Variants in CHRM2 observed in about 807,000 individuals in gnomAD.
The protein encoded by CHRM2 is muscarinic acetylcholine receptor M2.
Under a neutral mutation model 25.0 loss-of-function variants are expected in CHRM2, and 8 were observed. The observed-to-expected ratio is 0.32, with a 90% CI of 0.19 to 0.58. CHRM2 has a LOEUF of 0.58. CHRM2 is among the 20% of genes least tolerant of loss of function. CHRM2 has a pLI of 0.88. For missense variants in CHRM2, 440 were observed against 567.1 expected (o/e 0.78, Z 2.28); for synonymous variants, 202 against 205.7 (o/e 0.98, Z 0.15).
At chr7:136,920,659 T>C (rs2130731961) in intron 2 of CHRM2, among the ~76,000 whole-genome samples, 1 of 152,274 alleles carries the variant, frequency 6.6e-6, no homozygotes, top group East Asian at 1.9e-4. Context: ...TGCATGTTAA[T>C]TATTTTGGGA....
intron 2 of CHRM2, among the ~76,000 whole-genome samples, chr7:136,979,032 C>T (rs957585462): frequency 1.3e-5 from 2 of 152,096 alleles, no homozygotes; most frequent in Admixed American, 6.5e-5. Context: ...CCACACTGCC[C>T]TCCACAATGG....
intron 3 of CHRM2, among the ~76,000 whole-genome samples, chr7:137,000,246 T>C (rs927248906): frequency 3.6e-4 from 47 of 128,914 alleles, no homozygotes; most frequent in Non-Finnish European, 6.0e-4. Context: ...TCACCCAGGC[T>C]GGAGTGCAGT....
chr7:136,882,623 A>C (rs1487360140), intron 2 of CHRM2, among the ~76,000 whole-genome samples: 7 of 152,048 alleles, frequency 4.6e-5, no homozygotes, highest in Non-Finnish European at 1.0e-4. Context: ...TTCCTTTCTG[A>C]AATAGCTCAA....
rs1805309695 is a variant in CHRM2 at position 137,018,950 on chromosome 7, C to T, written c.*2684C>T. The T allele has an allele frequency of 6.6e-6, 1 of 151,920 alleles. No individual in the cohort carries two copies. The highest frequency in any genetic ancestry group is 2.4e-5 in the African/African-American group (1 of 41,408). 9.4% of individuals were successfully genotyped at this position (151,920 alleles called of 1,614,324 possible). A position where few individuals can be genotyped will look rare whatever the true frequency, so the allele number is the denominator to read the frequency against. On this transcript the variant is annotated 3_prime_UTR_variant, in exon 4 of 4. Coordinates refer to ENST00000680005, the MANE Select transcript of CHRM2 (RefSeq NM_001006630.2). ...ATTCCCCTCTCCCCGAAAGGGGACACTTAGCAATGTGTAAAGACATTTTTG... is the reference window on the plus strand; with the variant it reads ...ATTCCCCTCTCCCCGAAAGGGGACATTTAGCAATGTGTAAAGACATTTTTG...
chr7:136,998,550 G>C (rs1179056644), intron 3 of CHRM2, among the ~76,000 whole-genome samples: 1 of 152,200 alleles, frequency 6.6e-6, no homozygotes, highest in African/African-American at 2.4e-5. Context: ...AGATGAAAGA[G>C]ATGTTAGAGT....
At position 136,930,898 on chromosome 7, in the gene CHRM2, CAAAAAA is replaced by C. The variant is rs57705639; in HGVS notation, c.-124-61265_-124-61260del. 1.7e-3 allele frequency among the ~76,000 whole-genome samples: 103 copies of C among 61,128 alleles called. 1 individual carries two copies. The highest frequency in any genetic ancestry group is 3.6e-3 in the African/African-American group (90 of 25,012). 40.1% of individuals were successfully genotyped at this position (61,128 alleles called of 152,430 possible). ...GGCTACAGAGCCAGACTCATTCTCTCAAAAAAAAAAAAAAAAAAAAAAAAAAAAAGG... is the reference window on the plus strand; with the variant it reads ...GGCTACAGAGCCAGACTCATTCTCTCAAAAAAAAAAAAAAAAAAAAAAAGG... On this transcript the variant is annotated intron_variant, in intron 2 of 3. Coordinates refer to ENST00000680005, the MANE Select transcript of CHRM2 (RefSeq NM_001006630.2).
intron 2 of CHRM2, among the ~76,000 whole-genome samples, chr7:136,949,710 G>A (rs1231548089): frequency 6.7e-6 from 1 of 150,210 alleles, no homozygotes; most frequent in East Asian, 2.0e-4. Context: ...TGAAAAAGTA[G>A]CAATAACATC....
intron 2 of CHRM2, among the ~76,000 whole-genome samples, chr7:136,967,292 T>G (rs1801480160): frequency 6.6e-6 from 1 of 152,006 alleles, no homozygotes; most frequent in African/African-American, 2.4e-5. Flanking sequence ...CCTATCCAAT[T>G]AGAGTGCTGC....
chr7:136,971,488 G>A (rs1395579140), intron 2 of CHRM2, among the ~76,000 whole-genome samples: 9 of 151,984 alleles, frequency 5.9e-5, no homozygotes, highest in Non-Finnish European at 7.4e-5. Flanking sequence ...GTGGTGGCGG[G>A]TGCCTGTAAT....
intron 2 of CHRM2, chr7:136,903,107 G>A (rs1415439109): frequency 1.1e-5 from 6 of 532,762 alleles, no homozygotes; most frequent in Non-Finnish European, 2.3e-5. Flanking sequence ...TTGGGCTAGT[G>A]TAGGTGTAGG....
chr7:136,990,708 T>C (rs951099604), intron 2 of CHRM2, among the ~76,000 whole-genome samples: 4 of 152,188 alleles, frequency 2.6e-5, no homozygotes, highest in Non-Finnish European at 5.9e-5. Context: ...TGGACATGTT[T>C]TTAACTTATT....
intron 2 of CHRM2, among the ~76,000 whole-genome samples, chr7:136,985,042 T>G (rs1563108029): frequency 6.6e-6 from 1 of 152,142 alleles, no homozygotes; most frequent in Non-Finnish European, 1.5e-5. Flanking sequence ...TTTGTGGAAC[T>G]AGTTAGTATT....
At chr7:136,896,282 G>A (rs1796898595) in intron 2 of CHRM2, among the ~76,000 whole-genome samples, 1 of 152,112 alleles carries the variant, frequency 6.6e-6, no homozygotes, top group Non-Finnish European at 1.5e-5. Flanking sequence ...TCAGTTTTCT[G>A]TTACAAAGAA....
intron 3 of CHRM2, among the ~76,000 whole-genome samples, chr7:136,998,452 G>A (rs547938247): frequency 1.0e-3 from 159 of 152,290 alleles, no homozygotes; most frequent in African/African-American, 3.6e-3. Flanking sequence ...TAAGGGAGAC[G>A]TGAGTGACAT....
intron 2 of CHRM2, among the ~76,000 whole-genome samples, chr7:136,983,892 C>A (rs563418277): frequency 6.6e-6 from 1 of 152,178 alleles, no homozygotes; most frequent in Non-Finnish European, 1.5e-5. Context: ...GGAGATGTCT[C>A]CCCATCAGGA....
chr7:136,979,497 A>G (rs324615), intron 2 of CHRM2, among the ~76,000 whole-genome samples: 134,190 of 152,212 alleles, frequency 0.88, 59,604 homozygotes, highest in Middle Eastern at 0.97. Flanking sequence ...TGCTTTTGGT[A>G]TTTCAGTCAT....
chr7:137,008,891 G>GT (rs772167826), intron 3 of CHRM2, among the ~76,000 whole-genome samples: 45 of 152,060 alleles, frequency 3.0e-4, no homozygotes, highest in Non-Finnish European at 4.9e-4. Flanking sequence ...TAATGGGGCA[G>GT]GTTTTATGCC....
intron 2 of CHRM2, among the ~76,000 whole-genome samples, chr7:136,942,305 G>A (rs1799820493): frequency 6.6e-6 from 1 of 152,106 alleles, no homozygotes; most frequent in African/African-American, 2.4e-5. Context: ...CACAGCAAAT[G>A]TTTTCTTAAC....
intron 2 of CHRM2, among the ~76,000 whole-genome samples, chr7:136,878,739 T>C (rs907467255): frequency 2.6e-5 from 4 of 151,930 alleles, no homozygotes; most frequent in African/African-American, 9.7e-5. Context: ...TCTTGAAACC[T>C]TGGCTTGTTG....
Sources: gnomAD v4.1 joint callset for allele counts (sites outside exome capture counted in the v4.1 genomes callset) on GRCh38, gnomAD v4.1.1 for gene constraint, MANE v1.5 for transcripts, NCBI Gene and HGNC (gene_info 2026-07-23, HGNC 2026-07-21) for gene names.